The following RAPGEF1 variants were observed in gnomAD, a reference collection of about 807,000 sequenced individuals.
RAPGEF1 encodes Rap guanine nucleotide exchange factor 1.
RAPGEF1 carries 33 observed loss-of-function variants against 143.3 expected under a neutral mutation model. The ratio of observed to expected loss-of-function variants is 0.23; its 90% confidence interval spans 0.17 to 0.31. RAPGEF1 has a LOEUF of 0.31. Among genes scored for constraint, RAPGEF1 ranks in the 10% least tolerant of loss-of-function variants. RAPGEF1 has a pLI of 1.00. For missense variants in RAPGEF1, 1,199 were observed against 1,645.4 expected, an observed-to-expected ratio of 0.73 and a Z score of 4.69; for synonymous variants, 629 against 676.5, an observed-to-expected ratio of 0.93 and a Z score of 1.09.
At chr9:131,739,102 C>CA (rs1224385275) in intron 1 of RAPGEF1, among the ~76,000 whole-genome samples, 3 of 152,198 alleles carry the variant, frequency 2.0e-5, no homozygotes, top group African/African-American at 7.2e-5. Flanking sequence ...ATTTCCAGGA[C>CA]AGGCAAACCC....
Position 131,587,512 on chromosome 9 carries a change from C to T in RAPGEF1, c.3233+224G>A, listed in dbSNP as rs1953356555. Among the ~76,000 whole-genome samples the T allele has an allele frequency of 2.6e-5, 4 of 152,350 alleles. No homozygotes were observed. The South Asian group carries it at 8.3e-4, about 32-fold the overall frequency. On this transcript the variant is annotated intron_variant, in intron 22 of 26. Transcript: ENST00000683357. ...ATCGCTCCTCGACCCTGGCACTCTT[C>T]CCTGCTGAGCCTCCTCGACCAGGTG...
chr9:131,635,290 A>C (rs1366500091), intron 5 of RAPGEF1, among the ~76,000 whole-genome samples: 2 of 152,182 alleles, frequency 1.3e-5, no homozygotes, highest in African/African-American at 2.4e-5. Flanking sequence ...CAGGGAAGTA[A>C]CTTGCCCAAG....
At chr9:131,712,463 G>T (rs554875908) in intron 1 of RAPGEF1, among the ~76,000 whole-genome samples, 2 of 149,084 alleles carry the variant, frequency 1.3e-5, no homozygotes, top group Non-Finnish European at 3.0e-5. Context: ...GGGTATGGGC[G>T]GCTGGGGCGC....
At chr9:131,617,877 T>A (rs1959256933) in intron 12 of RAPGEF1, among the ~76,000 whole-genome samples, 1 of 152,228 alleles carries the variant, frequency 6.6e-6, no homozygotes, top group African/African-American at 2.4e-5. Flanking sequence ...TTCTTTCCCC[T>A]GTGCTAAGTT....
rs759434441 is a variant in RAPGEF1 at position 131,650,242 on chromosome 9, C to G, written c.202G>C (p.Glu68Gln). The G allele has an allele frequency of 1.2e-6, 2 of 1,607,788 alleles. No individual in the cohort carries two copies. Among genetic ancestry groups the G allele is most frequent in the South Asian group, 2.2e-5 (2 of 90,766 alleles). Residue 68 changes from glutamate to glutamine, a missense_variant and splice_region_variant, in exon 3 of 27, where the codon GAG (glutamate) becomes CAG (glutamine). Glu to Gln is a conservative substitution (Grantham distance 29). Around this residue, in one of 6 missense-constraint regions of RAPGEF1, gnomAD observed 613 missense variants for 710.9 expected, o/e 0.86. Transcript: ENST00000683357. This position sits in a 1 kb window ranked among gnomAD's most constrained non-coding sequence, Gnocchi z 4.7. ...TCTGGTAGAAATCTGTCTGTTGCCT[C>G]CTGGAAGAGAGGAAACCTGGATTCC... ...VKIPEKPVNKEATDRFLPEGY... is the reference protein window; with the variant it reads ...VKIPEKPVNKQATDRFLPEGY...
intron 12 of RAPGEF1, among the ~76,000 whole-genome samples, chr9:131,614,902 T>C (rs1958679104): frequency 6.6e-6 from 1 of 152,104 alleles, no homozygotes. Context: ...ACTCACAACT[T>C]GGGTCTGCTA....
chr9:131,593,496 A>C (rs1954719704), intron 17 of RAPGEF1, among the ~76,000 whole-genome samples: 2 of 152,114 alleles, frequency 1.3e-5, no homozygotes, highest in South Asian at 4.1e-4. Context: ...GCACTGCTTA[A>C]ATCTTGTGCT....
chr9:131,650,740 C>T lies in RAPGEF1; in HGVS notation c.201+70G>A. Reference sequence around the variant, plus strand: ...GAAAGCTCAATCCCCAGGGAGGGAACATACAAATCGCACAAACTCATATTG... The same window carrying T: ...GAAAGCTCAATCCCCAGGGAGGGAATATACAAATCGCACAAACTCATATTG... On this transcript the variant is annotated intron_variant, in intron 2 of 26. Coordinates refer to ENST00000683357, the MANE Select transcript of RAPGEF1 (RefSeq NM_001377935.1). The surrounding 1 kb of genome is among the most constrained non-coding windows in gnomAD (Gnocchi z 4.7). 1 of 1,571,278 alleles carries T rather than the reference C, an allele frequency of 6.4e-7. No homozygotes were observed. Among genetic ancestry groups the T allele is most frequent in the Non-Finnish European group, 8.6e-7 (1 of 1,156,322 alleles).
intron 1 of RAPGEF1, among the ~76,000 whole-genome samples, chr9:131,717,748 C>G (rs1338160797): frequency 1.7e-5 from 2 of 119,812 alleles, no homozygotes; most frequent in Non-Finnish European, 3.2e-5. Flanking sequence ...GCCTGTGCAA[C>G]AGAGTGAGAC....
intron 18 of RAPGEF1, 33 bp from the exon 19 acceptor site, chr9:131,590,011 T>A (rs3818581): frequency 6.3e-7 from 1 of 1,591,554 alleles, no homozygotes; most frequent in Middle Eastern, 1.7e-4. Context: ...AGCCATGTGG[T>A]CGGCTGAGGG....
chr9:131,725,216 AC>A (rs1484528702), intron 1 of RAPGEF1: 4 of 152,220 alleles, frequency 2.6e-5, no homozygotes, highest in African/African-American at 9.7e-5. Flanking sequence ...GTGGCTGTTC[AC>A]AGGTGTGATC....
At chr9:131,596,563 G>A (rs530819567) in intron 16 of RAPGEF1, among the ~76,000 whole-genome samples, 190 bp from the exon 17 acceptor site, 84 of 152,326 alleles carry the variant, frequency 5.5e-4, no homozygotes, top group African/African-American at 1.9e-3. Context: ...GACTCACCTT[G>A]TGCTTGGTGA....
chr9:131,602,895 A>AGAGT (rs1956493071), intron 14 of RAPGEF1, among the ~76,000 whole-genome samples: 1 of 152,224 alleles, frequency 6.6e-6, no homozygotes, highest in Admixed American at 6.5e-5. Flanking sequence ...AAATACAGAA[A>AGAGT]GAGTGCTTCA....
chr9:131,589,254 T>A (rs1401286822), intron 19 of RAPGEF1, among the ~76,000 whole-genome samples: 1 of 152,194 alleles, frequency 6.6e-6, no homozygotes, highest in Non-Finnish European at 1.5e-5. Flanking sequence ...GGGCCTGGGC[T>A]GCAGGGACAA....
chr9:131,700,829 C>T (rs1834583395), intron 1 of RAPGEF1, among the ~76,000 whole-genome samples: 3 of 152,188 alleles, frequency 2.0e-5, no homozygotes, highest in South Asian at 4.1e-4. Context: ...CCCAGTCAAA[C>T]AGGAGGCTGC....
rs906169579 is a variant in RAPGEF1, at chr9:131,621,210, C to G, written c.1905+586G>C. On this transcript the variant is annotated intron_variant, in intron 11 of 26. Coordinates refer to ENST00000683357, the MANE Select transcript of RAPGEF1 (RefSeq NM_001377935.1). This position sits in a 1 kb window ranked among gnomAD's most constrained non-coding sequence, Gnocchi z 4.5. The stretch of plus-strand genomic sequence containing the variant: ...TTCTGTGCTGGCCCGTGCTTCCTTA[C>G]ATGCACAGGAGTCCTTAGCACACGA... Among the ~76,000 whole-genome samples, 3 of 152,264 alleles carry G rather than the reference C, an allele frequency of 2.0e-5. No homozygotes were observed. Among genetic ancestry groups the G allele is most frequent in the African/African-American group, 7.2e-5 (3 of 41,478 alleles).
intron 18 of RAPGEF1, 132 bp downstream of exon 18, chr9:131,591,967 T>C (rs779594734): frequency 3.6e-5 from 23 of 643,980 alleles, no homozygotes; most frequent in Non-Finnish European, 6.2e-5. Context: ...GGGGCTCCTG[T>C]GTCCCTACTT....
At chr9:131,737,705 A>G (rs1181307670) in intron 1 of RAPGEF1, among the ~76,000 whole-genome samples, 1 of 152,050 alleles carries the variant, frequency 6.6e-6, no homozygotes, top group Non-Finnish European at 1.5e-5. Context: ...TGGCTCACGC[A>G]TGTAATCCCA....
chr9:131,596,234 TG>T (rs1955264897), intron 17 of RAPGEF1, 63 bp downstream of exon 17: 3 of 1,485,792 alleles, frequency 2.0e-6, no homozygotes, highest in African/African-American at 1.4e-5. Context: ...AGGATAGCGG[TG>T]GGAGGCCGAG....
Sources: allele counts gnomAD v4.1 joint callset (sites outside exome capture counted in the v4.1 genomes callset), GRCh38; gene constraint gnomAD v4.1.1; regional missense constraint gnomAD v4.1.1; non-coding constraint Gnocchi (gnomAD v3.1); transcripts MANE v1.5; gene names NCBI Gene and HGNC (gene_info 2026-07-23, HGNC 2026-07-21).